RIT2: variants seen among roughly 807,000 people sequenced by gnomAD.
RIT2 encodes the protein GTP-binding protein Rit2.
RIT2 carries 24 observed loss-of-function variants against 23.7 expected under a neutral mutation model. The observed-to-expected ratio is 1.01, with a 90% confidence interval of 0.73 to 1.43. The LOEUF (loss-of-function observed/expected upper bound fraction) is 1.43, where lower values mean the gene tolerates loss of function less well. RIT2 is among the 40% of genes most tolerant of loss of function. RIT2 has a pLI of 0.00. For missense variants in RIT2, 236 were observed against 266.9 expected (o/e 0.88, Z 0.81); for synonymous variants, 107 against 91.1 (o/e 1.17, Z -0.99).
chr18:42,842,876 A>G (rs1439392270), intron 4 of RIT2, among the ~76,000 whole-genome samples: 1 of 152,180 alleles, frequency 6.6e-6, no homozygotes, highest in Non-Finnish European at 1.5e-5. Flanking sequence ...TCAAACCTGA[A>G]ATAAAATTAG....
At chr18:42,958,318 T>C (rs1375505680) in intron 3 of RIT2, among the ~76,000 whole-genome samples, 3 of 152,186 alleles carry the variant, frequency 2.0e-5, no homozygotes, top group Admixed American at 6.6e-5. Flanking sequence ...TTACAAAATA[T>C]ATAAAAAATT....
intron 1 of RIT2, among the ~76,000 whole-genome samples, chr18:43,059,155 G>A (rs907422560): frequency 6.6e-6 from 1 of 151,854 alleles, no homozygotes; most frequent in African/African-American, 2.4e-5. Flanking sequence ...GATAGTAGAA[G>A]TCATTGTTAG....
chr18:43,016,930 A>G (rs1229552586), intron 2 of RIT2, among the ~76,000 whole-genome samples: 3 of 151,948 alleles, frequency 2.0e-5, no homozygotes, highest in Non-Finnish European at 4.4e-5. Context: ...TAAAAGCTTT[A>G]AGCAGAATCT....
intron 4 of RIT2, among the ~76,000 whole-genome samples, chr18:42,861,673 A>C (rs2144050196): frequency 6.6e-6 from 1 of 152,296 alleles, no homozygotes; most frequent in Non-Finnish European, 1.5e-5. Context: ...TACTCTTCTT[A>C]TTTTGGGTTG....
chr18:43,080,516 C>A (rs1913132034), intron 1 of RIT2, among the ~76,000 whole-genome samples: 1 of 152,156 alleles, frequency 6.6e-6, no homozygotes, highest in African/African-American at 2.4e-5. Flanking sequence ...ACAAAAAAAA[C>A]CTACCTCCTT....
chr18:42,749,079 T>C (rs1912984590), intron 4 of RIT2, among the ~76,000 whole-genome samples: 1 of 151,914 alleles, frequency 6.6e-6, no homozygotes, highest in Admixed American at 6.6e-5. Flanking sequence ...TTTATAAAAA[T>C]TGACTTTATC....
chr18:42,843,854 A>G (rs1250473149), intron 4 of RIT2, among the ~76,000 whole-genome samples: 1 of 152,208 alleles, frequency 6.6e-6, no homozygotes, highest in African/African-American at 2.4e-5. Flanking sequence ...ACTGATATCT[A>G]AGGAAGTATC....
At chr18:43,051,916 T>C (rs1373629670) in intron 1 of RIT2, among the ~76,000 whole-genome samples, 1 of 152,172 alleles carries the variant, frequency 6.6e-6, no homozygotes, top group Non-Finnish European at 1.5e-5. Flanking sequence ...TTTTGGACCC[T>C]TTTCCACTCC....
chr18:43,040,016 G>A (rs542580170), intron 1 of RIT2, among the ~76,000 whole-genome samples: 6 of 152,266 alleles, frequency 3.9e-5, no homozygotes, highest in Non-Finnish European at 7.4e-5. Flanking sequence ...AAGGCCGAGA[G>A]AAAAGTGTAA....
At chr18:42,862,775 T>C (rs1287554476) in intron 4 of RIT2, among the ~76,000 whole-genome samples, 2 of 152,182 alleles carry the variant, frequency 1.3e-5, no homozygotes, top group Non-Finnish European at 2.9e-5. Flanking sequence ...TGGTTAACAT[T>C]AGTGTTTCAG....
intron 4 of RIT2, among the ~76,000 whole-genome samples, chr18:42,769,971 T>G (rs1351884444): frequency 1.3e-5 from 2 of 151,604 alleles, no homozygotes; most frequent in Admixed American, 6.6e-5. Context: ...TTGGAAGAAC[T>G]CCAATATCAG....
intron 4 of RIT2, among the ~76,000 whole-genome samples, chr18:42,755,921 C>A (rs188568729): frequency 1.3e-5 from 2 of 152,124 alleles, no homozygotes; most frequent in Admixed American, 6.6e-5. Flanking sequence ...AGACAGGGAG[C>A]CTTAATCTTA....
At chr18:42,777,707 C>T (rs1033125237) in intron 4 of RIT2, among the ~76,000 whole-genome samples, 2 of 152,102 alleles carry the variant, frequency 1.3e-5, no homozygotes, top group Non-Finnish European at 2.9e-5. Flanking sequence ...AGACCACAGT[C>T]TTATTTTTTC....
chr18:42,918,183 G>A (rs1024877548), intron 4 of RIT2, among the ~76,000 whole-genome samples: 1 of 152,160 alleles, frequency 6.6e-6, no homozygotes, highest in African/African-American at 2.4e-5. Flanking sequence ...GATTCTGAAA[G>A]AGTGCTTGTT....
At chr18:42,863,675 C>T (rs1355814625) in intron 4 of RIT2, among the ~76,000 whole-genome samples, 1 of 152,154 alleles carries the variant, frequency 6.6e-6, no homozygotes, top group Non-Finnish European at 1.5e-5. Flanking sequence ...TCTGAATTAA[C>T]TCCTAGTATA....
At chr18:42,869,666 T>C (rs1395700565) in intron 4 of RIT2, among the ~76,000 whole-genome samples, 1 of 152,178 alleles carries the variant, frequency 6.6e-6, no homozygotes, top group Admixed American at 6.5e-5. Flanking sequence ...GGTTAAAACT[T>C]TCCATTCCTG....
At chr18:42,955,724 C>T (rs1365751053) in intron 3 of RIT2, among the ~76,000 whole-genome samples, 1 of 152,130 alleles carries the variant, frequency 6.6e-6, no homozygotes, top group Non-Finnish European at 1.5e-5. Context: ...TCATATAAAA[C>T]TCACAATTTG....
intron 4 of RIT2, among the ~76,000 whole-genome samples, chr18:42,831,792 C>A (rs564445364): frequency 1.9e-4 from 29 of 152,152 alleles, no homozygotes; most frequent in Non-Finnish European, 3.2e-4. Flanking sequence ...GTCTCTCCCC[C>A]ACTCCCTAGT....
At position 43,105,466 on chromosome 18, in the gene RIT2, G is replaced by GAGGAAGAGAGGAAGGGAGGAAGAC. The variant is rs1913792176; in HGVS notation, c.103+9950_103+9951insGTCTTCCTCCCTTCCTCTCTTCCT. The stretch of plus-strand genomic sequence containing the variant: ...GAACAAAAAAAGGAAGGGAGGAAGG[G>GAGGAAGAGAGGAAGGGAGGAAGAC]AGGAAGAGAGGAAGGGAGGAAGGGA... On this transcript the variant is annotated intron_variant, in intron 1 of 4. Transcript: ENST00000326695. 3.5e-5 allele frequency among the ~76,000 whole-genome samples: 5 copies of GAGGAAGAGAGGAAGGGAGGAAGAC among 142,844 alleles called. No homozygotes were observed. In the East Asian group the frequency reaches 6.6e-4, roughly 19 times the overall value. The allele number at this position is 142,844 out of a possible 152,430, so 93.7% of individuals were successfully genotyped here.
Sources: allele counts gnomAD v4.1 joint callset (sites outside exome capture counted in the v4.1 genomes callset), GRCh38; gene constraint gnomAD v4.1.1; transcripts MANE v1.5; gene names NCBI Gene and HGNC (gene_info 2026-07-23, HGNC 2026-07-21).